The following AHI1 variants were observed in gnomAD, a reference collection of about 807,000 sequenced individuals.
AHI1 encodes Abelson helper integration site 1, also known as jouberin.
In AHI1, 123 loss-of-function variants were observed where a neutral mutation model predicts 149.3. The observed-to-expected ratio is 0.82, with a 90% CI of 0.71 to 0.96. The LOEUF (loss-of-function observed/expected upper bound fraction) is 0.96. Ranked by LOEUF, AHI1 falls within the 40% of genes least tolerant of loss-of-function variation. AHI1 has a pLI of 0.00. For missense variants in AHI1, 1,439 were observed against 1,422.7 expected (o/e 1.01, Z -0.18); for synonymous variants, 475 against 459.8 (o/e 1.03, Z -0.42).
intron 3 of AHI1, chr6:135,493,158 C>G (rs959850883): frequency 6.0e-6 from 1 of 165,916 alleles, no homozygotes; most frequent in Admixed American, 6.6e-5. Flanking sequence ...GCCACCACAC[C>G]CAGCTAATTT....
intron 23 of AHI1, among the ~76,000 whole-genome samples, chr6:135,381,406 C>T (rs557772091): frequency 2.0e-5 from 3 of 152,160 alleles, no homozygotes; most frequent in African/African-American, 7.2e-5. Flanking sequence ...ACAAACACAC[C>T]CACATAGACA....
intron 5 of AHI1, among the ~76,000 whole-genome samples, chr6:135,488,336 T>C (rs1794771394): frequency 6.6e-6 from 1 of 152,200 alleles, no homozygotes; most frequent in Non-Finnish European, 1.5e-5. Flanking sequence ...TCTTTCATTT[T>C]AGTTTTGGTC....
rs1340200204 is a variant in AHI1, at chr6:135,462,059, CT to C, written c.931+1065del. Reference sequence around the variant, plus strand: ...ATGTATATGAGTATACTGCTTAGTGCTTTATATATATAGAAACACATAAAAC... The same window carrying C: ...ATGTATATGAGTATACTGCTTAGTGCTTATATATATAGAAACACATAAAAC... On this transcript the variant is annotated intron_variant, in intron 8 of 28. Coordinates refer to ENST00000265602, the MANE Select transcript of AHI1 (RefSeq NM_001134831.2). 9.2e-5 allele frequency among the ~76,000 whole-genome samples: 14 copies of C among 151,950 alleles called. 1 individual carries two copies. Among genetic ancestry groups the C allele is most frequent in the Admixed American group, 7.9e-4 (12 of 15,258 alleles).
At chr6:135,365,683 A>G (rs745527370) in intron 23 of AHI1, among the ~76,000 whole-genome samples, 9 of 152,200 alleles carry the variant, frequency 5.9e-5, no homozygotes, top group Non-Finnish European at 1.2e-4. Flanking sequence ...ACTCTACTGA[A>G]TTAATTTATC....
intron 20 of AHI1, among the ~76,000 whole-genome samples, chr6:135,424,812 T>A (rs1783706294): frequency 6.6e-6 from 1 of 152,096 alleles, no homozygotes; most frequent in South Asian, 2.1e-4. Context: ...GAAAATTATC[T>A]GATAATTTTT....
chr6:135,345,612 C>A (rs1281735974), intron 24 of AHI1, among the ~76,000 whole-genome samples: 3 of 151,726 alleles, frequency 2.0e-5, no homozygotes, highest in East Asian at 1.9e-4. Flanking sequence ...CCAGAATAGG[C>A]AAACCCATAG....
chr6:135,432,585 C>T (rs1032227318), intron 16 of AHI1, among the ~76,000 whole-genome samples: 13 of 152,124 alleles, frequency 8.5e-5, no homozygotes, highest in African/African-American at 3.1e-4. Flanking sequence ...ATCTCCTGAC[C>T]TTGTGATCAA....
At chr6:135,382,909 AAAAAAAAAAAAAAAAAAAT>A (rs2128469802) in intron 23 of AHI1, among the ~76,000 whole-genome samples, 2 of 99,866 alleles carry the variant, frequency 2.0e-5, no homozygotes, top group South Asian at 3.7e-4. Context: ...AAAAAAAAAA[AAAAAAAAAAAAAAAAAAAT>A]ATATATATAT....
intron 26 of AHI1, among the ~76,000 whole-genome samples, chr6:135,316,564 A>C (rs1785979326): frequency 6.6e-6 from 1 of 151,720 alleles, no homozygotes; most frequent in Non-Finnish European, 1.5e-5. Flanking sequence ...CTTCCAGGGC[A>C]CTTTTTTCTG....
chr6:135,408,883 T>C (rs891702183), intron 21 of AHI1, among the ~76,000 whole-genome samples: 17 of 152,172 alleles, frequency 1.1e-4, no homozygotes, highest in Non-Finnish European at 2.2e-4. Context: ...TGACCATTTA[T>C]CTTTGAGAAA....
At chr6:135,486,118 T>C (rs1488090346) in intron 5 of AHI1, among the ~76,000 whole-genome samples, 1 of 152,232 alleles carries the variant, frequency 6.6e-6, no homozygotes, top group African/African-American at 2.4e-5. Context: ...AAAGCTATCA[T>C]ATCTTTATGT....
chr6:135,357,946 CTTACA>C (rs1171465943), intron 24 of AHI1, among the ~76,000 whole-genome samples, 181 bp downstream of exon 24: 7 of 152,144 alleles, frequency 4.6e-5, no homozygotes, highest in South Asian at 2.1e-4. Flanking sequence ...TGCACAAATA[CTTACA>C]TTACATTATC....
chr6:135,373,487 TA>T, intron 23 of AHI1, among the ~76,000 whole-genome samples: 1 of 152,360 alleles, frequency 6.6e-6, no homozygotes, highest in Middle Eastern at 3.4e-3. Context: ...TGACTATACT[TA>T]AACATTTCCC....
intron 20 of AHI1, among the ~76,000 whole-genome samples, chr6:135,424,076 T>C (rs903706010): frequency 3.3e-5 from 5 of 151,712 alleles, no homozygotes; most frequent in South Asian, 2.1e-4. Context: ...CAGAGAAACA[T>C]AGAAAAAACT....
rs144106625 is a variant in AHI1, at chr6:135,418,133, T to A, written c.2765-6589A>T. Among the ~76,000 whole-genome samples the A allele has an allele frequency of 4.5e-4, 68 of 152,236 alleles. No homozygotes were observed. The East Asian group carries it at 0.011, about 24-fold the overall frequency. ...TGTTTAAAACTCATAATTTTAACAG[T>A]CTCACTCCCATCTTTTCCTCACTTT... On this transcript the variant is annotated intron_variant, in intron 20 of 28. Transcript: ENST00000265602.
chr6:135,450,480 G>A (rs1173775949), intron 11 of AHI1, among the ~76,000 whole-genome samples: 1 of 152,118 alleles, frequency 6.6e-6, no homozygotes. Flanking sequence ...GTTATAAGCT[G>A]AGCGGGTGAC....
chr6:135,418,101 C>G (rs111424788), intron 20 of AHI1, among the ~76,000 whole-genome samples: 4 of 152,116 alleles, frequency 2.6e-5, no homozygotes, highest in African/African-American at 9.6e-5. Flanking sequence ...TCTACTCTAA[C>G]CTGGTATGTT....
At chr6:135,298,424 C>T (rs1157137697) in intron 27 of AHI1, among the ~76,000 whole-genome samples, 3 of 151,324 alleles carry the variant, frequency 2.0e-5, no homozygotes, top group African/African-American at 4.8e-5. Flanking sequence ...GGTCAACCAA[C>T]TAATAAGCAA....
chr6:135,324,437 T>G (rs1002836992), intron 24 of AHI1, among the ~76,000 whole-genome samples: 8 of 151,880 alleles, frequency 5.3e-5, no homozygotes, highest in Admixed American at 3.9e-4. Context: ...CATAATAACA[T>G]CTATACTAAA....
Sources: gnomAD v4.1 joint callset for allele counts (sites outside exome capture counted in the v4.1 genomes callset) on GRCh38, gnomAD v4.1.1 for gene constraint, MANE v1.5 for transcripts, NCBI Gene and HGNC (gene_info 2026-07-23, HGNC 2026-07-21) for gene names.